The following SUPT3H variants were observed in gnomAD, a reference collection of about 807,000 sequenced individuals.
SUPT3H encodes the protein SPT3 homolog, SAGA and STAGA complex component.
SUPT3H carries 44 observed loss-of-function variants against 44.3 expected under a neutral mutation model. The observed-to-expected ratio is 0.99, with a 90% CI of 0.78 to 1.28. The LOEUF is 1.28. Ranked by LOEUF, SUPT3H falls within the 50% of genes most tolerant of loss-of-function variation. The pLI, the probability that SUPT3H is intolerant of heterozygous loss-of-function variation, is 0.00. For missense variants in SUPT3H, 380 were observed against 387.1 expected (o/e 0.98, Z 0.15); for synonymous variants, 124 against 125.6 (o/e 0.99, Z 0.09).
chr6:45,236,490 G>T (rs1014550204), intron 2 of SUPT3H, among the ~76,000 whole-genome samples: 17 of 152,086 alleles, frequency 1.1e-4, no homozygotes, highest in Admixed American at 1.0e-3. Flanking sequence ...TTGTTTGCCA[G>T]GTAAAGCTAA....
At chr6:45,062,811 C>A (rs1215688717) in intron 3 of SUPT3H, among the ~76,000 whole-genome samples, 1 of 152,032 alleles carries the variant, frequency 6.6e-6, no homozygotes, top group South Asian at 2.1e-4. Context: ...GAGGGTCCTA[C>A]GCCCACGGAG....
At chr6:44,876,603 T>C (rs1482153056) in intron 10 of SUPT3H, among the ~76,000 whole-genome samples, 1 of 149,716 alleles carries the variant, frequency 6.7e-6, no homozygotes, top group Non-Finnish European at 1.5e-5. Context: ...TGTATACATA[T>C]GTAACTAACC....
chr6:45,084,217 T>C (rs1796193918), intron 3 of SUPT3H, among the ~76,000 whole-genome samples: 1 of 152,078 alleles, frequency 6.6e-6, no homozygotes, highest in African/African-American at 2.4e-5. Context: ...ACTTGCAGAA[T>C]GGGAGAAAAC....
At chr6:45,073,491 T>C (rs1464815345) in intron 3 of SUPT3H, among the ~76,000 whole-genome samples, 1 of 152,044 alleles carries the variant, frequency 6.6e-6, no homozygotes, top group Admixed American at 6.6e-5. Flanking sequence ...TTCCAATTTA[T>C]GTCAGTTTAT....
rs1287545127 is a variant in SUPT3H, at chr6:44,843,956, C to G, written c.913-14099G>C. On this transcript the variant is annotated intron_variant, in intron 10 of 10. Transcript: ENST00000371459. ...ACACACACACACACACACACACACA[C>G]ACATGCACAGAAAAAGAACAAAGTT... 6.7e-5 allele frequency among the ~76,000 whole-genome samples: 9 copies of G among 133,580 alleles called. No homozygotes were observed. The Admixed American group carries it at 6.9e-4, about 10-fold the overall frequency. 87.6% of individuals were successfully genotyped at this position (133,580 alleles called of 152,430 possible).
chr6:45,122,320 T>G (rs1388215995), intron 2 of SUPT3H, among the ~76,000 whole-genome samples: 1 of 152,174 alleles, frequency 6.6e-6, no homozygotes, highest in Non-Finnish European at 1.5e-5. Flanking sequence ...ATTGATTCAA[T>G]TCAGTATAAC....
chr6:45,205,589 G>T (rs1339657384), intron 2 of SUPT3H, among the ~76,000 whole-genome samples: 2 of 152,108 alleles, frequency 1.3e-5, no homozygotes, highest in Non-Finnish European at 2.9e-5. Context: ...TTGAGGTCAG[G>T]AGTTTGAGAC....
chr6:45,171,760 C>T (rs1810823717), intron 2 of SUPT3H, among the ~76,000 whole-genome samples: 1 of 142,362 alleles, frequency 7.0e-6, no homozygotes. Context: ...CTCTGTCACC[C>T]AGGCTGGAGT....
chr6:45,001,011 G>A (rs1781943460), intron 6 of SUPT3H, among the ~76,000 whole-genome samples: 3 of 152,198 alleles, frequency 2.0e-5, no homozygotes, highest in African/African-American at 7.2e-5. Context: ...AGCAAAGCAG[G>A]TTCTTAGGCA....
At chr6:45,337,372 C>T (rs1438892948) in intron 2 of SUPT3H, among the ~76,000 whole-genome samples, 1 of 150,868 alleles carries the variant, frequency 6.6e-6, no homozygotes, top group Non-Finnish European at 1.5e-5. Flanking sequence ...CTCCAGCATT[C>T]GAAGAAAAAA....
chr6:45,271,628 G>T (rs949574782), intron 2 of SUPT3H, among the ~76,000 whole-genome samples: 1 of 152,192 alleles, frequency 6.6e-6, no homozygotes, highest in Non-Finnish European at 1.5e-5. Flanking sequence ...GAGAACCTTT[G>T]CTCAGGCAAT....
chr6:44,888,072 T>C (rs573352486), intron 10 of SUPT3H, among the ~76,000 whole-genome samples: 41 of 152,236 alleles, frequency 2.7e-4, no homozygotes, highest in African/African-American at 8.7e-4. Flanking sequence ...CAGGAAGAAG[T>C]TGAATCTCTG....
At chr6:44,935,766 C>T (rs1771301675) in intron 9 of SUPT3H, among the ~76,000 whole-genome samples, 1 of 152,326 alleles carries the variant, frequency 6.6e-6, no homozygotes, top group South Asian at 2.1e-4. Flanking sequence ...CTCTGCTTTT[C>T]TCTGCCGGTT....
chr6:45,200,479 AG>A (rs1252637683), intron 2 of SUPT3H, among the ~76,000 whole-genome samples: 1 of 151,572 alleles, frequency 6.6e-6, no homozygotes, highest in Non-Finnish European at 1.5e-5. Context: ...AAACTTAACA[AG>A]ATCCTAAAGC....
intron 2 of SUPT3H, among the ~76,000 whole-genome samples, chr6:45,285,816 A>C (rs1222394354): frequency 6.6e-6 from 1 of 152,124 alleles, no homozygotes; most frequent in Non-Finnish European, 1.5e-5. Flanking sequence ...AACAAAGCTG[A>C]AGGCATCACA....
chr6:44,852,986 A>G (rs1662915750), intron 10 of SUPT3H, among the ~76,000 whole-genome samples: 1 of 129,230 alleles, frequency 7.7e-6, no homozygotes, highest in African/African-American at 2.5e-5. Context: ...TATCTTTAAC[A>G]TTTTTAAATA....
chr6:45,241,754 C>T (rs1482444702), intron 2 of SUPT3H, among the ~76,000 whole-genome samples: 1 of 151,196 alleles, frequency 6.6e-6, no homozygotes, highest in Non-Finnish European at 1.5e-5. Flanking sequence ...AAGTACATGA[C>T]CAATGAAAGA....
chr6:44,831,977 T>G (rs917557443), intron 10 of SUPT3H, among the ~76,000 whole-genome samples: 4 of 152,192 alleles, frequency 2.6e-5, no homozygotes, highest in African/African-American at 9.6e-5. Flanking sequence ...TTCTGTGATG[T>G]TCTTCCCATT....
intron 2 of SUPT3H, among the ~76,000 whole-genome samples, chr6:45,255,180 T>C (rs982795819): frequency 2.0e-5 from 3 of 152,016 alleles, no homozygotes; most frequent in African/African-American, 7.2e-5. Context: ...ACACTATATA[T>C]ATAGAGAGAG....
Sources: gnomAD v4.1 joint callset for allele counts (sites outside exome capture counted in the v4.1 genomes callset) on GRCh38, gnomAD v4.1.1 for gene constraint, MANE v1.5 for transcripts, NCBI Gene and HGNC (gene_info 2026-07-23, HGNC 2026-07-21) for gene names.